UPF2: variants seen among roughly 807,000 people sequenced by gnomAD.
UPF2 encodes the protein regulator of nonsense transcripts 2.
In UPF2, 17 loss-of-function variants were observed where a neutral mutation model predicts 141.4. The observed-to-expected ratio is 0.12, with a 90% CI of 0.08 to 0.18. The LOEUF (loss-of-function observed/expected upper bound fraction) is 0.18. UPF2 is among the 10% of genes least tolerant of loss of function. The pLI is 1.00. For synonymous variants in UPF2, 540 were observed against 498.0 expected (o/e 1.08, Z -1.12); for missense variants, 1,152 against 1,515.9 (o/e 0.76, Z 3.99).
In UPF2 at chr10:12,014,875, T is replaced by A. The variant is rs1224318533; in HGVS notation, c.1146-691A>T. Reference sequence around the variant, plus strand: ...CTACTGTGCAAGTACTGGTTATTTATCCAGGTAACAAATACTGAGAAGTCC... The same window carrying A: ...CTACTGTGCAAGTACTGGTTATTTAACCAGGTAACAAATACTGAGAAGTCC... On this transcript the variant is annotated intron_variant, in intron 3 of 21. Transcript: ENST00000357604. This position sits in a 1 kb window ranked among gnomAD's most constrained non-coding sequence, Gnocchi z 5.0. 6.6e-6 allele frequency among the ~76,000 whole-genome samples: 1 copy of A among 152,202 alleles called. No individual in the cohort carries two copies. The highest frequency in any genetic ancestry group is 1.5e-5 in the Non-Finnish European group (1 of 68,034).
At chr10:11,923,988 AC>A (rs1410394935) in intron 21 of UPF2, among the ~76,000 whole-genome samples, 2 of 152,246 alleles carry the variant, frequency 1.3e-5, no homozygotes, top group Admixed American at 6.5e-5. Context: ...CATTGAAATA[AC>A]CCATATGAAT....
Position 11,989,996 on chromosome 10 carries a change from C to T in UPF2, c.1844+7676G>A, listed in dbSNP as rs1833752754. On this transcript the variant is annotated intron_variant, in intron 8 of 21. Coordinates refer to ENST00000357604, the MANE Select transcript of UPF2 (RefSeq NM_015542.4). ...TTTTCTCAGGAAAAGTAATGGCTCACACCAATAAAGCTGAAAATAGTTTTT... is the reference window on the plus strand; with the variant it reads ...TTTTCTCAGGAAAAGTAATGGCTCATACCAATAAAGCTGAAAATAGTTTTT... Among the ~76,000 whole-genome samples the T allele has an allele frequency of 1.3e-5, 2 of 152,162 alleles. 1 individual carries two copies. The highest frequency in any genetic ancestry group is 1.3e-4 in the Admixed American group (2 of 15,280).
chr10:11,977,338 T>G (rs1833521321), intron 9 of UPF2, among the ~76,000 whole-genome samples: 1 of 152,154 alleles, frequency 6.6e-6, no homozygotes, highest in South Asian at 2.1e-4. Flanking sequence ...AAGTAGAAGG[T>G]GATCAAGTTT....
At position 12,042,373 on chromosome 10, in the gene UPF2, C is replaced by T. The variant is rs553857258; in HGVS notation, c.-19+382G>A. Among the ~76,000 whole-genome samples, 21 of 152,310 alleles carry T rather than the reference C, an allele frequency of 1.4e-4. No individual in the cohort carries two copies. Among genetic ancestry groups the T allele is most frequent in the African/African-American group, 5.1e-4 (21 of 41,560 alleles). On this transcript the variant is annotated intron_variant, in intron 1 of 21. Coordinates refer to ENST00000357604, the MANE Select transcript of UPF2 (RefSeq NM_015542.4). The surrounding 1 kb of genome is among the most constrained non-coding windows in gnomAD (Gnocchi z 5.5). ...CGCCCTCCCCACTTTCTCGCCCTCG[C>T]TTCCCTCCCGGCTCTCGAGGAGCTT...
At chr10:11,994,591 C>T (rs1269725408) in intron 8 of UPF2, among the ~76,000 whole-genome samples, 1 of 152,160 alleles carries the variant, frequency 6.6e-6, no homozygotes, top group Non-Finnish European at 1.5e-5. Flanking sequence ...TTTAAAACTG[C>T]ATATGGCCAA....
intron 2 of UPF2, among the ~76,000 whole-genome samples, chr10:12,033,789 T>C (rs535337796): frequency 2.6e-5 from 4 of 152,288 alleles, no homozygotes; most frequent in South Asian, 4.1e-4. Context: ...GCTCAACCAA[T>C]CCTCCTGCCT....
chr10:11,987,832 CATT>C (rs1833719103), intron 8 of UPF2, among the ~76,000 whole-genome samples: 1 of 136,578 alleles, frequency 7.3e-6, no homozygotes, highest in African/African-American at 2.7e-5. Context: ...TTTTTTTCAT[CATT>C]ATTTATTTAA....
At chr10:11,924,144 G>A (rs1219435145) in intron 21 of UPF2, among the ~76,000 whole-genome samples, 1 of 152,176 alleles carries the variant, frequency 6.6e-6, no homozygotes, top group Non-Finnish European at 1.5e-5. Flanking sequence ...CACTGCTGCC[G>A]TTTCAACTCA....
chr10:11,947,851 TA>T (rs1454390445), intron 16 of UPF2, among the ~76,000 whole-genome samples: 1 of 147,070 alleles, frequency 6.8e-6, no homozygotes, highest in Non-Finnish European at 1.5e-5. Context: ...GCTTATTAAA[TA>T]AAAATGCTAT....
At chr10:12,021,621 CA>C (rs1243971790) in intron 3 of UPF2, among the ~76,000 whole-genome samples, 1 of 152,166 alleles carries the variant, frequency 6.6e-6, no homozygotes. Context: ...GCAAGAATTT[CA>C]ATGCCAAATT....
rs565876302 is a variant in UPF2, at chr10:12,020,409, G to T, written c.1146-6225C>A. Among the ~76,000 whole-genome samples the T allele has an allele frequency of 1.5e-4, 23 of 152,038 alleles. No individual in the cohort carries two copies. In the South Asian group the frequency reaches 3.1e-3, roughly 21 times the overall value. On this transcript the variant is annotated intron_variant, in intron 3 of 21. Transcript: ENST00000357604. Reference sequence around the variant, plus strand: ...TGGGATTACAGGCATGCGCCACTACGCCCGGCTAATTTTGTATTTTTAGTA... The same window carrying T: ...TGGGATTACAGGCATGCGCCACTACTCCCGGCTAATTTTGTATTTTTAGTA...
intron 8 of UPF2, among the ~76,000 whole-genome samples, chr10:11,991,814 A>G (rs189168565): frequency 6.6e-6 from 1 of 152,328 alleles, no homozygotes; most frequent in Non-Finnish European, 1.5e-5. Flanking sequence ...TTCAAGGCAC[A>G]TTTTTCCCCA....
At chr10:12,039,070 T>C (rs192880964) in intron 1 of UPF2, among the ~76,000 whole-genome samples, 23 of 152,328 alleles carry the variant, frequency 1.5e-4, no homozygotes, top group Non-Finnish European at 3.4e-4. Flanking sequence ...AAGCAAACTT[T>C]CAAAAAGACT....
At chr10:11,933,055 A>T (rs1478841977) in intron 19 of UPF2, among the ~76,000 whole-genome samples, 1 of 152,206 alleles carries the variant, frequency 6.6e-6, no homozygotes, top group Non-Finnish European at 1.5e-5. Context: ...CTAGAAAAAA[A>T]TAAATGGCTA....
intron 3 of UPF2, among the ~76,000 whole-genome samples, chr10:12,020,471 G>A (rs983283409): frequency 5.3e-5 from 8 of 151,986 alleles, no homozygotes; most frequent in African/African-American, 1.4e-4. Flanking sequence ...GGCTGGTCTC[G>A]AATTCCCAAC....
In UPF2 at chr10:11,984,037, C is replaced by T. The variant is rs1833644820; in HGVS notation, c.1845-4872G>A. ...CTCCCGGGTTCAAGCAATTCTCCTG[C>T]CTCAGCCTCCTGAGTAGCTGGGATT... On this transcript the variant is annotated intron_variant, in intron 8 of 21. Transcript: ENST00000357604. 2.6e-5 allele frequency among the ~76,000 whole-genome samples: 4 copies of T among 151,942 alleles called. No individual in the cohort carries two copies. In the South Asian group the frequency reaches 8.3e-4, roughly 32 times the overall value.
chr10:11,982,429 C>A (rs968716904), intron 8 of UPF2, among the ~76,000 whole-genome samples: 4 of 152,132 alleles, frequency 2.6e-5, no homozygotes, highest in Non-Finnish European at 5.9e-5. Flanking sequence ...CTGCACCAGG[C>A]CCACTGGCTC....
intron 3 of UPF2, among the ~76,000 whole-genome samples, chr10:12,022,914 T>C (rs1202883303): frequency 1.3e-5 from 2 of 152,188 alleles, no homozygotes; most frequent in Non-Finnish European, 2.9e-5. Flanking sequence ...AAATTTTTTT[T>C]CCTGAACTTT....
At chr10:12,033,558 T>C (rs1021019524) in intron 2 of UPF2, among the ~76,000 whole-genome samples, 1 of 152,130 alleles carries the variant, frequency 6.6e-6, no homozygotes, top group African/African-American at 2.4e-5. Flanking sequence ...GTACAAAATA[T>C]ATTAGCAAAT....
Sources: gnomAD v4.1 joint callset for allele counts (sites outside exome capture counted in the v4.1 genomes callset) on GRCh38, gnomAD v4.1.1 for gene constraint, Gnocchi (gnomAD v3.1) non-coding constraint, MANE v1.5 for transcripts, NCBI Gene and HGNC (gene_info 2026-07-23, HGNC 2026-07-21) for gene names.